The following PTPRD variants were observed in gnomAD, a reference collection of about 807,000 sequenced individuals.
The protein encoded by PTPRD is receptor-type tyrosine-protein phosphatase delta.
In PTPRD, 34 loss-of-function variants were observed where a neutral mutation model predicts 214.5. That is an observed-to-expected ratio of 0.16 (90% CI 0.12 to 0.21). The LOEUF (loss-of-function observed/expected upper bound fraction) is 0.21, where lower values mean the gene tolerates loss of function less well. PTPRD is among the 10% of genes least tolerant of loss of function. PTPRD has a pLI of 1.00. For synonymous variants in PTPRD, 1,128 were observed against 845.7 expected (o/e 1.33, Z -5.79); for missense variants, 2,545 against 2,398.7 (o/e 1.06, Z -1.27).
At chr9:9,382,947 A>G (rs1350658661) in intron 9 of PTPRD, among the ~76,000 whole-genome samples, 2 of 152,120 alleles carry the variant, frequency 1.3e-5, no homozygotes, top group African/African-American at 2.4e-5. Flanking sequence ...AATGTTGTAT[A>G]TTTATATAAT....
chr9:10,162,734 T>C (rs2099136387), intron 3 of PTPRD, among the ~76,000 whole-genome samples: 1 of 144,568 alleles, frequency 6.9e-6, no homozygotes, highest in Admixed American at 7.0e-5. Context: ...TACATGTACA[T>C]ATATATATAC....
At chr9:10,482,124 C>G (rs1304718305) in intron 2 of PTPRD, among the ~76,000 whole-genome samples, 1 of 152,112 alleles carries the variant, frequency 6.6e-6, no homozygotes, top group Admixed American at 6.5e-5. Flanking sequence ...GTAATCCCAG[C>G]ATTTTGGGAG....
intron 9 of PTPRD, among the ~76,000 whole-genome samples, chr9:9,333,227 G>A (rs1347106535): frequency 6.6e-6 from 1 of 151,654 alleles, no homozygotes; most frequent in Admixed American, 6.6e-5. Flanking sequence ...AATAAGAAAA[G>A]GCTTTGTAGG....
At chr9:10,062,543 T>G (rs1590060382) in intron 3 of PTPRD, among the ~76,000 whole-genome samples, 2 of 151,954 alleles carry the variant, frequency 1.3e-5, no homozygotes, top group East Asian at 1.9e-4. Context: ...AAGGCAGAGG[T>G]TGCAGTTAGC....
chr9:10,013,809 G>C (rs1435435001), intron 4 of PTPRD, among the ~76,000 whole-genome samples: 1 of 151,778 alleles, frequency 6.6e-6, no homozygotes, highest in African/African-American at 2.4e-5. Context: ...TTTATATTTT[G>C]GTTCACATAA....
intron 3 of PTPRD, among the ~76,000 whole-genome samples, chr9:10,098,614 C>A (rs1405830436): frequency 6.6e-6 from 1 of 151,754 alleles, no homozygotes; most frequent in African/African-American, 2.4e-5. Flanking sequence ...TTTTCTCAGA[C>A]TAGCAGAGTA....
At chr9:9,144,187 G>C (rs751648427) in intron 10 of PTPRD, among the ~76,000 whole-genome samples, 2 of 152,144 alleles carry the variant, frequency 1.3e-5, no homozygotes, top group Non-Finnish European at 2.9e-5. Flanking sequence ...TGATAGATTT[G>C]AATTTGCTAT....
intron 39 of PTPRD, among the ~76,000 whole-genome samples, chr9:8,358,239 G>A (rs2077462051): frequency 6.6e-6 from 1 of 152,044 alleles, no homozygotes; most frequent in South Asian, 2.1e-4. Flanking sequence ...TTGGCTCATG[G>A]AATTAAAGAC....
At chr9:9,738,909 C>T (rs994860169) in intron 6 of PTPRD, among the ~76,000 whole-genome samples, 7 of 152,126 alleles carry the variant, frequency 4.6e-5, no homozygotes, top group African/African-American at 1.7e-4. Context: ...TATAGCTTTA[C>T]ATCTTTCAGT....
chr9:9,869,828 T>A (rs1211310879), intron 5 of PTPRD, among the ~76,000 whole-genome samples: 1 of 151,688 alleles, frequency 6.6e-6, no homozygotes, highest in East Asian at 1.9e-4. Flanking sequence ...CATGGAGAAC[T>A]GTTTGGAGAC....
chr9:10,449,227 G>A (rs1255026987), intron 2 of PTPRD, among the ~76,000 whole-genome samples: 1 of 151,956 alleles, frequency 6.6e-6, no homozygotes, highest in Non-Finnish European at 1.5e-5. Flanking sequence ...TTTTGGTGGA[G>A]ACGAGGTTTC....
chr9:10,472,697 C>G (rs1453991739), intron 2 of PTPRD, among the ~76,000 whole-genome samples: 1 of 151,554 alleles, frequency 6.6e-6, no homozygotes, highest in Non-Finnish European at 1.5e-5. Flanking sequence ...ATTTTTTTTT[C>G]TATTTTCCTC....
chr9:9,864,258 A>C, intron 5 of PTPRD, among the ~76,000 whole-genome samples: 1 of 152,124 alleles, frequency 6.6e-6, no homozygotes, highest in East Asian at 1.9e-4. Context: ...GTGAGCCGAG[A>C]TCGCGCCTCT....
chr9:10,344,055 G>C (rs1308859630), intron 2 of PTPRD, among the ~76,000 whole-genome samples: 1 of 75,396 alleles, frequency 1.3e-5, no homozygotes, highest in Non-Finnish European at 2.6e-5. Flanking sequence ...TGTCTATTTT[G>C]GCTTTTGTTG....
intron 10 of PTPRD, among the ~76,000 whole-genome samples, chr9:9,031,482 G>A (rs1452632792): frequency 6.6e-6 from 1 of 151,990 alleles, no homozygotes; most frequent in African/African-American, 2.4e-5. Context: ...GTAGTCAATT[G>A]TAACAGAATA....
chr9:10,110,333 G>A (rs2098679491), intron 3 of PTPRD, among the ~76,000 whole-genome samples: 1 of 152,142 alleles, frequency 6.6e-6, no homozygotes, highest in African/African-American at 2.4e-5. Flanking sequence ...TCTGTAGGAA[G>A]AGAAAACTGT....
At chr9:9,942,593 A>C (rs1263260494) in intron 4 of PTPRD, among the ~76,000 whole-genome samples, 2 of 152,112 alleles carry the variant, frequency 1.3e-5, no homozygotes, top group South Asian at 2.1e-4. Context: ...AATCAAACTA[A>C]TTTGTGCTTC....
intron 5 of PTPRD, among the ~76,000 whole-genome samples, chr9:9,788,271 G>T (rs1305668211): frequency 6.6e-6 from 1 of 151,532 alleles, no homozygotes; most frequent in Non-Finnish European, 1.5e-5. Flanking sequence ...TAGCTCTCTG[G>T]CCGGGCGCGG....
At chr9:8,939,476 AT>A (rs200750322) in intron 11 of PTPRD, among the ~76,000 whole-genome samples, 1 of 152,094 alleles carries the variant, frequency 6.6e-6, no homozygotes, top group Non-Finnish European at 1.5e-5. Context: ...ATAAAGTATT[AT>A]TTTTTCTCCA....
Sources: allele counts gnomAD v4.1 joint callset (sites outside exome capture counted in the v4.1 genomes callset), GRCh38; gene constraint gnomAD v4.1.1; transcripts MANE v1.5; gene names NCBI Gene and HGNC (gene_info 2026-07-23, HGNC 2026-07-21).